LRRTM3: variants seen among roughly 807,000 people sequenced by gnomAD.
LRRTM3 encodes the protein leucine rich repeat transmembrane neuronal 3.
LRRTM3 carries 24 observed loss-of-function variants against 44.7 expected under a neutral mutation model. The observed-to-expected ratio is 0.54, with a 90% CI of 0.39 to 0.76. LRRTM3 has a LOEUF of 0.76. Among genes scored for constraint, LRRTM3 ranks in the 30% least tolerant of loss-of-function variants. The pLI, the probability that LRRTM3 is intolerant of heterozygous loss-of-function variation, is 0.00. For synonymous variants in LRRTM3, 277 were observed against 278.7 expected, an observed-to-expected ratio of 0.99 and a Z score of 0.06; for missense variants, 587 against 702.2, an observed-to-expected ratio of 0.84 and a Z score of 1.85.
At chr10:67,009,470 A>G (rs1589595909) in intron 2 of LRRTM3, among the ~76,000 whole-genome samples, 1 of 151,038 alleles carries the variant, frequency 6.6e-6, no homozygotes, top group Non-Finnish European at 1.5e-5. Flanking sequence ...AACCTCTTTC[A>G]TCTGTTTTTC....
intron 2 of LRRTM3, among the ~76,000 whole-genome samples, chr10:67,031,256 G>A (rs1197506779): frequency 9.2e-5 from 14 of 151,982 alleles, no homozygotes; most frequent in Non-Finnish European, 1.5e-5. Flanking sequence ...TAGTAAAACT[G>A]TTCAACATCA....
intron 2 of LRRTM3, among the ~76,000 whole-genome samples, chr10:67,062,591 T>C (rs1418464730): frequency 6.6e-6 from 1 of 152,054 alleles, no homozygotes; most frequent in Non-Finnish European, 1.5e-5. Context: ...AATATAAAAA[T>C]TGGGTGGGGA....
rs1589735470 is a variant in LRRTM3 at position 67,097,842 on chromosome 10, C to G, written c.*46C>G. 6.4e-6 allele frequency: 10 copies of G among 1,559,206 alleles called. No individual in the cohort carries two copies. In the East Asian group the frequency reaches 2.2e-4, roughly 35 times the overall value. ...GGGTTGCTACCAAACTTTGTAACCT[C>G]AAGGACAAAATGAGGAAGATGTGTT... On this transcript the variant is annotated 3_prime_UTR_variant, in exon 3 of 3. Transcript: ENST00000361320.
chr10:67,078,692 AT>A (rs1272552154), intron 2 of LRRTM3, among the ~76,000 whole-genome samples: 2 of 151,816 alleles, frequency 1.3e-5, no homozygotes, highest in East Asian at 1.9e-4. Context: ...AATTCTTTGT[AT>A]TTTTAGTAGA....
intron 2 of LRRTM3, among the ~76,000 whole-genome samples, chr10:66,976,099 A>G (rs1274321843): frequency 2.6e-5 from 4 of 152,180 alleles, no homozygotes; most frequent in Non-Finnish European, 5.9e-5. Context: ...AGGTGCTAGT[A>G]GCTTTGTATT....
At chr10:66,988,420 C>A (rs1354185266) in intron 2 of LRRTM3, among the ~76,000 whole-genome samples, 4 of 152,160 alleles carry the variant, frequency 2.6e-5, no homozygotes, top group African/African-American at 9.7e-5. Flanking sequence ...AAATACTCAT[C>A]TAAAGTTAAA....
intron 2 of LRRTM3, among the ~76,000 whole-genome samples, chr10:67,095,278 G>A (rs1391645066): frequency 6.6e-6 from 1 of 151,532 alleles, no homozygotes; most frequent in Non-Finnish European, 1.5e-5. Flanking sequence ...ACATGGAAAT[G>A]ATATATGTTA....
intron 2 of LRRTM3, among the ~76,000 whole-genome samples, chr10:66,957,159 T>A (rs1444383442): frequency 3.3e-5 from 5 of 152,086 alleles, no homozygotes; most frequent in African/African-American, 1.2e-4. Flanking sequence ...TTTAGTATAA[T>A]GTTTTCTTTC....
At chr10:67,014,812 C>T (rs1288117918) in intron 2 of LRRTM3, among the ~76,000 whole-genome samples, 1 of 151,902 alleles carries the variant, frequency 6.6e-6, no homozygotes, top group Non-Finnish European at 1.5e-5. Context: ...AAACATCATT[C>T]CAAACATAGC....
intron 2 of LRRTM3, among the ~76,000 whole-genome samples, chr10:66,936,824 A>G (rs2132662771): frequency 6.6e-6 from 1 of 152,260 alleles, no homozygotes; most frequent in East Asian, 1.9e-4. Flanking sequence ...CCAGAGTGAG[A>G]GCAGGATTAC....
intron 2 of LRRTM3, among the ~76,000 whole-genome samples, chr10:66,981,046 C>T (rs754439368): frequency 2.0e-5 from 3 of 152,074 alleles, no homozygotes; most frequent in Non-Finnish European, 4.4e-5. Context: ...AGCTGGATTA[C>T]AGGCATGCTC....
intron 2 of LRRTM3, among the ~76,000 whole-genome samples, chr10:66,942,914 T>C (rs1257953497): frequency 6.6e-6 from 1 of 151,968 alleles, no homozygotes; most frequent in East Asian, 1.9e-4. Flanking sequence ...AATCAAAGAG[T>C]TACAAAGGAA....
At chr10:67,036,656 G>A (rs1417586394) in intron 2 of LRRTM3, among the ~76,000 whole-genome samples, 1 of 152,068 alleles carries the variant, frequency 6.6e-6, no homozygotes, top group Non-Finnish European at 1.5e-5. Context: ...ACTGCACCTG[G>A]CCAGGGGTTT....
intron 2 of LRRTM3, among the ~76,000 whole-genome samples, chr10:66,960,141 C>G (rs934005224): frequency 6.6e-6 from 1 of 152,064 alleles, no homozygotes; most frequent in Non-Finnish European, 1.5e-5. Context: ...AAGCTCTCTG[C>G]CTTCTCTCTC....
chr10:66,966,947 A>C (rs1215244046), intron 2 of LRRTM3, among the ~76,000 whole-genome samples: 1 of 152,022 alleles, frequency 6.6e-6, no homozygotes, highest in African/African-American at 2.4e-5. Context: ...TTAGAAGAGA[A>C]ATTTTTTGTA....
intron 2 of LRRTM3, among the ~76,000 whole-genome samples, chr10:66,953,500 A>G (rs1332484023): frequency 1.3e-5 from 2 of 152,156 alleles, no homozygotes; most frequent in Non-Finnish European, 2.9e-5. Context: ...AATAAGTCAT[A>G]CCATCATGTT....
chr10:67,026,025 G>A (rs561826322), intron 2 of LRRTM3, among the ~76,000 whole-genome samples: 2,899 of 149,234 alleles, frequency 0.019, 95 homozygotes, highest in African/African-American at 0.067. Context: ...ACCAAACACC[G>A]CATGTTCTCA....
At chr10:67,010,674 T>C (rs1003454300) in intron 2 of LRRTM3, among the ~76,000 whole-genome samples, 2 of 152,318 alleles carry the variant, frequency 1.3e-5, no homozygotes, top group Non-Finnish European at 2.9e-5. Flanking sequence ...CTAGGAATTT[T>C]CCAATGCTTT....
intron 2 of LRRTM3, among the ~76,000 whole-genome samples, chr10:67,002,845 T>C (rs1851762313): frequency 6.6e-6 from 1 of 152,054 alleles, no homozygotes. Flanking sequence ...TTCATATAAA[T>C]AAAAAACAAT....
Sources: allele counts gnomAD v4.1 joint callset (sites outside exome capture counted in the v4.1 genomes callset), GRCh38; gene constraint gnomAD v4.1.1; transcripts MANE v1.5; gene names NCBI Gene and HGNC (gene_info 2026-07-23, HGNC 2026-07-21).